The following FLT3 variants were observed in gnomAD, a reference collection of about 807,000 sequenced individuals.
FLT3 encodes fms related receptor tyrosine kinase 3, also known as receptor-type tyrosine-protein kinase FLT3.
In FLT3, 46 loss-of-function variants were observed where a neutral mutation model predicts 126.6. The ratio of observed to expected loss-of-function variants is 0.36; its 90% CI spans 0.29 to 0.46. FLT3 has a LOEUF of 0.46. Ranked by LOEUF, FLT3 falls within the 20% of genes least tolerant of loss-of-function variation. FLT3 has a pLI of 1.00. For synonymous variants in FLT3, 404 were observed against 434.4 expected, an observed-to-expected ratio of 0.93 and a Z score of 0.87; for missense variants, 1,069 against 1,190.3, an observed-to-expected ratio of 0.90 and a Z score of 1.50.
chr13:28,051,500 T>G (rs112162122), intron 5 of FLT3, among the ~76,000 whole-genome samples: 28,529 of 150,092 alleles, frequency 0.19, 2,787 homozygotes, highest in Middle Eastern at 0.25. Flanking sequence ...GCCTCCCAAA[T>G]TGCTGGGATT....
At chr13:28,011,946 C>T (rs1223235424) in intron 23 of FLT3, among the ~76,000 whole-genome samples, 1 of 151,864 alleles carries the variant, frequency 6.6e-6, no homozygotes, top group Non-Finnish European at 1.5e-5. Flanking sequence ...TACAGGCATG[C>T]GCCACCACGC....
chr13:28,055,074 T>C (rs1231515352), intron 4 of FLT3, among the ~76,000 whole-genome samples: 1 of 152,232 alleles, frequency 6.6e-6, no homozygotes, highest in African/African-American at 2.4e-5. Flanking sequence ...TTTTACTTTT[T>C]CTCCCTGTAA....
intron 3 of FLT3, among the ~76,000 whole-genome samples, chr13:28,060,266 A>G (rs1226221038): frequency 4.0e-5 from 6 of 150,764 alleles, no homozygotes; most frequent in Non-Finnish European, 4.4e-5. Context: ...AATGAAAACA[A>G]AAAACATTAG....
At position 28,070,472 on chromosome 13, in the gene FLT3, A is replaced by G; in HGVS notation, c.165+19T>C. Reference sequence around the variant, plus strand: ...TCTAGAGAAAAACAGCTAAAGGTATAATTTTAATGTTACTTTACCATGGGA... The same window carrying G: ...TCTAGAGAAAAACAGCTAAAGGTATGATTTTAATGTTACTTTACCATGGGA... On this transcript the variant is annotated intron_variant, in intron 2 of 23. Transcript: ENST00000241453. 5 of 1,601,238 alleles carry G rather than the reference A, an allele frequency of 3.1e-6. No individual in the cohort carries two copies. The highest frequency in any genetic ancestry group is 4.3e-6 in the Non-Finnish European group (5 of 1,172,252).
rs79566936 is a variant in FLT3, at chr13:28,027,857, G to A, written c.2053+321C>T. Reference sequence around the variant, plus strand: ...CAGGCTCTGTAACCACTCTCACCACGCCTGTGCACCAGCTTCCAAGCTGGG... The same window carrying A: ...CAGGCTCTGTAACCACTCTCACCACACCTGTGCACCAGCTTCCAAGCTGGG... On this transcript the variant is annotated intron_variant, in intron 16 of 23. Transcript: ENST00000241453. 0.17 allele frequency among the ~76,000 whole-genome samples: 25,201 copies of A among 152,206 alleles called. 2,285 individuals are homozygous for A. The highest frequency in any genetic ancestry group is 0.23 in the Admixed American group (3,540 of 15,292).
chr13:28,055,677 T>C (rs1187342762), intron 4 of FLT3, among the ~76,000 whole-genome samples: 1 of 152,220 alleles, frequency 6.6e-6, no homozygotes, highest in African/African-American at 2.4e-5. Context: ...TGTTGTTACA[T>C]TTTTACATTG....
chr13:28,099,197 T>C (rs1879663701), intron 1 of FLT3, among the ~76,000 whole-genome samples: 1 of 152,228 alleles, frequency 6.6e-6, no homozygotes, highest in Admixed American at 6.5e-5. Flanking sequence ...TATTGATGCT[T>C]ATACCTTTAG....
intron 9 of FLT3, among the ~76,000 whole-genome samples, chr13:28,045,919 T>C (rs1874818947): frequency 9.4e-6 from 1 of 106,478 alleles, no homozygotes; most frequent in Non-Finnish European, 1.9e-5. Context: ...TTGATGCCTC[T>C]AAGGCAATGG....
intron 19 of FLT3, among the ~76,000 whole-genome samples, chr13:28,022,991 G>A (rs75212970): frequency 0.012 from 1,904 of 152,328 alleles, 36 homozygotes; most frequent in African/African-American, 0.044. Context: ...CCCCTGGGTT[G>A]AATGCCCACA....
chr13:28,061,043 T>C lies in FLT3; in HGVS notation c.368+824A>G, dbSNP rs375672481. Among the ~76,000 whole-genome samples the C allele has an allele frequency of 5.9e-5, 9 of 152,226 alleles. 1 individual carries two copies. The East Asian group carries it at 1.5e-3, about 26-fold the overall frequency. ...TATAGGTGTGATATGTTTGTTACAATTGATGAACCAATTTTAAAGTTCATA... is the reference window on the plus strand; with the variant it reads ...TATAGGTGTGATATGTTTGTTACAACTGATGAACCAATTTTAAAGTTCATA... On this transcript the variant is annotated intron_variant, in intron 3 of 23. Coordinates refer to ENST00000241453, the MANE Select transcript of FLT3 (RefSeq NM_004119.3).
chr13:28,026,843 T>C (rs1210264336), intron 17 of FLT3, among the ~76,000 whole-genome samples: 2 of 152,172 alleles, frequency 1.3e-5, no homozygotes, highest in East Asian at 1.9e-4. Flanking sequence ...AATAGGCGTC[T>C]ATGGTGTGAT....
chr13:28,018,445 A>G, intron 20 of FLT3, 22 bp downstream of exon 20: 1 of 1,613,200 alleles, frequency 6.2e-7, no homozygotes, highest in Non-Finnish European at 8.5e-7. Flanking sequence ...GTATAAAAAT[A>G]AGTAGGAAAT....
Position 28,004,020 on chromosome 13 carries a change from A to C in FLT3, c.*32T>G. On this transcript the variant is annotated 3_prime_UTR_variant, in exon 24 of 24. Transcript: ENST00000241453. ...TCTACAGCCTGTTAGGGATAGGTGG[A>C]GGGATGAAGTCCTTAAAACTAAATT... 1 of 1,613,106 alleles carries C rather than the reference A, an allele frequency of 6.2e-7. No homozygotes were observed. Among genetic ancestry groups the C allele is most frequent in the Non-Finnish European group, 8.5e-7 (1 of 1,179,140 alleles).
chr13:28,051,646 G>A (rs1490877777), intron 5 of FLT3, among the ~76,000 whole-genome samples: 5 of 149,598 alleles, frequency 3.3e-5, no homozygotes, highest in Non-Finnish European at 3.0e-5. Context: ...CCAGGTTCAC[G>A]CCATTCTCCT....
At chr13:28,020,616 G>T (rs1872302254) in intron 19 of FLT3, among the ~76,000 whole-genome samples, 1 of 152,118 alleles carries the variant, frequency 6.6e-6, no homozygotes, top group Non-Finnish European at 1.5e-5. Context: ...AAAGTGCTGG[G>T]ACTACAGGCC....
At position 28,052,917 on chromosome 13, in the gene FLT3, C is replaced by G. The variant is rs1258083306; in HGVS notation, c.485-243G>C. Among the ~76,000 whole-genome samples the G allele has an allele frequency of 2.6e-5, 4 of 152,114 alleles. No homozygotes were observed. In the South Asian group the frequency reaches 6.2e-4, roughly 24 times the overall value. On this transcript the variant is annotated intron_variant, in intron 4 of 23. Transcript: ENST00000241453. ...TTTCTTTGGGTATTTCACAAATCCA[C>G]AGCTAACTAAAGTAGTCGAGTGAAG...
chr13:28,083,405 T>C (rs1449771399), intron 1 of FLT3, among the ~76,000 whole-genome samples: 2 of 152,328 alleles, frequency 1.3e-5, no homozygotes, highest in South Asian at 2.1e-4. Context: ...GTTAAAATAT[T>C]ACTAAGGATT....
At chr13:28,036,788 G>A (rs1047211576) in intron 10 of FLT3, among the ~76,000 whole-genome samples, 3 of 152,080 alleles carry the variant, frequency 2.0e-5, no homozygotes, top group Admixed American at 6.6e-5. Context: ...GACCAACCTG[G>A]GCAACAAAGG....
chr13:28,080,680 C>A (rs192338316), intron 1 of FLT3, among the ~76,000 whole-genome samples: 141 of 152,188 alleles, frequency 9.3e-4, no homozygotes, highest in African/African-American at 3.1e-3. Context: ...ATCAATTTTT[C>A]TTTTATGGAT....
Sources: allele counts gnomAD v4.1 joint callset (sites outside exome capture counted in the v4.1 genomes callset), GRCh38; gene constraint gnomAD v4.1.1; transcripts MANE v1.5; gene names NCBI Gene and HGNC (gene_info 2026-07-23, HGNC 2026-07-21).